The following RGS7 variants were observed in gnomAD, a reference collection of about 807,000 sequenced individuals.
The protein encoded by RGS7 is regulator of G protein signaling 7, also known as regulator of G-protein signaling 7.
RGS7 carries 27 observed loss-of-function variants against 81.1 expected under a neutral mutation model. The observed-to-expected ratio is 0.33, with a 90% CI of 0.25 to 0.46. RGS7 has a LOEUF of 0.46. Ranked by LOEUF, RGS7 falls within the 20% of genes least tolerant of loss-of-function variation. The pLI is 1.00. For synonymous variants in RGS7, 208 were observed against 207.7 expected (o/e 1.00, Z -0.01); for missense variants, 396 against 607.4 (o/e 0.65, Z 3.66).
intron 3 of RGS7, among the ~76,000 whole-genome samples, chr1:241,042,670 T>C (rs2060688115): frequency 6.7e-6 from 1 of 148,792 alleles, no homozygotes; most frequent in Non-Finnish European, 1.5e-5. Context: ...CCGGGCGTAG[T>C]GGCTCACACC....
chr1:240,797,257 G>A (rs1687222995), intron 18 of RGS7, among the ~76,000 whole-genome samples: 1 of 152,188 alleles, frequency 6.6e-6, no homozygotes, highest in Non-Finnish European at 1.5e-5. Context: ...TGGCTGATCA[G>A]TCATCCTACC....
intron 3 of RGS7, among the ~76,000 whole-genome samples, chr1:241,088,334 C>T (rs952659156): frequency 9.9e-5 from 15 of 151,846 alleles, no homozygotes; most frequent in Admixed American, 2.0e-4. Context: ...GATCAGAACA[C>T]GCCACCAAAA....
intron 2 of RGS7, among the ~76,000 whole-genome samples, chr1:241,246,828 G>A (rs1419803108): frequency 6.6e-6 from 1 of 151,958 alleles, no homozygotes; most frequent in Non-Finnish European, 1.5e-5. Context: ...CATCATGGGG[G>A]AGAGCAGTAG....
intron 18 of RGS7, among the ~76,000 whole-genome samples, chr1:240,795,386 C>T (rs1266132635): frequency 6.6e-6 from 1 of 152,188 alleles, no homozygotes; most frequent in Non-Finnish European, 1.5e-5. Flanking sequence ...ATGTGTAACA[C>T]ACTGGTTTTG....
chr1:240,807,772 C>G (rs749609761), intron 14 of RGS7, among the ~76,000 whole-genome samples: 2 of 152,094 alleles, frequency 1.3e-5, no homozygotes, highest in Non-Finnish European at 2.9e-5. Context: ...TGGTGGCTCA[C>G]GTCTGTAATC....
chr1:241,302,648 T>G (rs960372884), intron 2 of RGS7, among the ~76,000 whole-genome samples: 4 of 152,226 alleles, frequency 2.6e-5, no homozygotes, highest in Admixed American at 6.5e-5. Flanking sequence ...AAATTTTTCT[T>G]ATCATACAAA....
At chr1:241,162,222 G>GCGCCCCCCCCCCCCCCCCCCCCCCC (rs68166816) in intron 2 of RGS7, among the ~76,000 whole-genome samples, 2 of 142,026 alleles carry the variant, frequency 1.4e-5, no homozygotes, top group Non-Finnish European at 3.1e-5. Context: ...CTGGTGATCA[G>GCGCCCCCCCCCCCCCCCCCCCCCCC]CTTCCAAATA....
At position 241,223,930 on chromosome 1, in the gene RGS7, T is replaced by C. The variant is rs565535593; in HGVS notation, c.79-125168A>G. ...ACTGAAATGGTGGTTCTGCACAAGA[T>C]AGGAATAAGTTAGATGGTCATTAAG... On this transcript the variant is annotated intron_variant, in intron 2 of 18. Transcript: ENST00000440928. 1.3e-3 allele frequency among the ~76,000 whole-genome samples: 199 copies of C among 151,250 alleles called. 2 individuals are homozygous for C. Among genetic ancestry groups the C allele is most frequent in the African/African-American group, 4.6e-3 (188 of 41,236 alleles).
At chr1:240,914,749 C>G (rs1672315434) in intron 6 of RGS7, among the ~76,000 whole-genome samples, 1 of 151,860 alleles carries the variant, frequency 6.6e-6, no homozygotes, top group South Asian at 2.1e-4. Context: ...CATCCAATCT[C>G]ACAAAGAAAA....
At chr1:241,290,934 C>T (rs1297435949) in intron 2 of RGS7, among the ~76,000 whole-genome samples, 1 of 152,168 alleles carries the variant, frequency 6.6e-6, no homozygotes, top group Non-Finnish European at 1.5e-5. Flanking sequence ...AACCATGATA[C>T]AATGGCAGCA....
chr1:241,046,283 G>A (rs1314769439), intron 3 of RGS7, among the ~76,000 whole-genome samples: 1 of 135,660 alleles, frequency 7.4e-6, no homozygotes, highest in Non-Finnish European at 1.6e-5. Flanking sequence ...AATACCTAAT[G>A]GGTAGTTTTT....
intron 6 of RGS7, among the ~76,000 whole-genome samples, chr1:240,924,993 G>C (rs1004151422): frequency 6.6e-6 from 1 of 152,046 alleles, no homozygotes; most frequent in African/African-American, 2.4e-5. Flanking sequence ...TACAGGGGAG[G>C]CTCCTGTCTT....
chr1:241,008,912 CAAAAAAAA>C (rs33916247), intron 3 of RGS7, among the ~76,000 whole-genome samples: 21 of 77,908 alleles, frequency 2.7e-4, no homozygotes, highest in Admixed American at 6.9e-4. Context: ...ACTCTGTCTC[CAAAAAAAA>C]AAAAAAAAAA....
intron 3 of RGS7, among the ~76,000 whole-genome samples, chr1:241,088,967 C>T (rs930364634): frequency 6.8e-6 from 1 of 146,644 alleles, no homozygotes; most frequent in African/African-American, 2.6e-5. Flanking sequence ...GTTGAGATGG[C>T]GCGAGTTGAG....
intron 2 of RGS7, among the ~76,000 whole-genome samples, chr1:241,099,435 C>T (rs1449770377): frequency 6.6e-6 from 1 of 151,982 alleles, no homozygotes; most frequent in Non-Finnish European, 1.5e-5. Context: ...CACACACATG[C>T]ACACACACAC....
At chr1:241,048,537 T>C (rs564818048) in intron 3 of RGS7, among the ~76,000 whole-genome samples, 27 of 152,278 alleles carry the variant, frequency 1.8e-4, no homozygotes, top group Non-Finnish European at 3.7e-4. Context: ...TAATACTATA[T>C]GGCGGCTCAT....
At chr1:241,178,507 G>A (rs921277343) in intron 2 of RGS7, among the ~76,000 whole-genome samples, 1 of 152,080 alleles carries the variant, frequency 6.6e-6, no homozygotes, top group African/African-American at 2.4e-5. Context: ...GCACCTGTAG[G>A]TTCGTAGAAG....
intron 2 of RGS7, among the ~76,000 whole-genome samples, chr1:241,267,346 C>T (rs1172009112): frequency 6.6e-6 from 1 of 152,220 alleles, no homozygotes; most frequent in Non-Finnish European, 1.5e-5. Flanking sequence ...GAAGGGACTA[C>T]TCCGTTGCCT....
intron 10 of RGS7, among the ~76,000 whole-genome samples, chr1:240,818,056 G>A (rs766040863): frequency 1.3e-5 from 2 of 152,092 alleles, no homozygotes; most frequent in Admixed American, 6.5e-5. Context: ...TCCCATCACT[G>A]AGGATATCCA....
Sources: allele counts gnomAD v4.1 joint callset (sites outside exome capture counted in the v4.1 genomes callset), GRCh38; gene constraint gnomAD v4.1.1; transcripts MANE v1.5; gene names NCBI Gene and HGNC (gene_info 2026-07-23, HGNC 2026-07-21).